The following SYF2 variants were observed in gnomAD, a reference collection of about 807,000 sequenced individuals.
SYF2 encodes pre-mRNA-splicing factor SYF2.
Under a neutral mutation model 32.7 loss-of-function variants are expected in SYF2, and 21 were observed. The observed-to-expected ratio is 0.64, with a 90% CI of 0.45 to 0.92. The LOEUF (loss-of-function observed/expected upper bound fraction) is 0.92, where lower values mean the gene tolerates loss of function less well. Among genes scored for constraint, SYF2 ranks in the 40% least tolerant of loss-of-function variants. SYF2 has a pLI of 0.00. For synonymous variants in SYF2, 114 were observed against 103.9 expected, an observed-to-expected ratio of 1.10 and a Z score of -0.59; for missense variants, 278 against 296.5, an observed-to-expected ratio of 0.94 and a Z score of 0.46.
chr1:25,230,704 G>A (rs970973595), intron 2 of SYF2: 1 of 152,334 alleles, frequency 6.6e-6, no homozygotes, highest in Non-Finnish European at 1.5e-5. Context: ...GTGACAGGGT[G>A]TTAGGAAGGG....
intron 6 of SYF2, among the ~76,000 whole-genome samples, chr1:25,224,382 A>G (rs570392213): frequency 6.6e-6 from 1 of 152,216 alleles, no homozygotes. Flanking sequence ...GAGTCTCCCA[A>G]GTAGCTAGGA....
intron 2 of SYF2, 33 bp downstream of exon 2, chr1:25,232,071 G>C (rs1464723127): frequency 1.2e-6 from 2 of 1,601,638 alleles, no homozygotes; most frequent in Non-Finnish European, 1.7e-6. Context: ...TTGGCCAGAT[G>C]ACGGATCTAA....
chr1:25,228,345 T>G, intron 3 of SYF2, 110 bp from the exon 4 acceptor site: 4 of 982,482 alleles, frequency 4.1e-6, no homozygotes, highest in African/African-American at 1.6e-5. Flanking sequence ...TAATAGTATT[T>G]TTTTAGTTGG....
intron 2 of SYF2, chr1:25,231,784 T>C (rs547153760): frequency 2.3e-6 from 1 of 427,754 alleles, no homozygotes; most frequent in Admixed American, 3.7e-5. Flanking sequence ...GCTCTACATA[T>C]TTCCCTAGGT....
intron 5 of SYF2, 63 bp from the exon 6 acceptor site, chr1:25,225,163 C>T (rs1008097788): frequency 1.9e-6 from 2 of 1,046,840 alleles, no homozygotes; most frequent in South Asian, 1.3e-5. Flanking sequence ...AAATTTCAAA[C>T]TAAAGTACCA....
intron 6 of SYF2, among the ~76,000 whole-genome samples, chr1:25,224,171 G>A (rs1638461723): frequency 6.6e-6 from 1 of 151,774 alleles, no homozygotes; most frequent in South Asian, 2.1e-4. Context: ...TCCAGCCTGG[G>A]CAATAGAGTG....
intron 4 of SYF2, 53 bp from the exon 5 acceptor site, chr1:25,227,585 C>G (rs1638538687): frequency 4.0e-6 from 6 of 1,496,650 alleles, no homozygotes; most frequent in Non-Finnish European, 5.5e-6. Flanking sequence ...TTTGGACCTT[C>G]CTATTGAGAG....
Position 25,226,627 on chromosome 1 carries a change from G to A in SYF2, c.467+815C>T, listed in dbSNP as rs12046939. On this transcript the variant is annotated intron_variant, in intron 5 of 6. Transcript: ENST00000236273. Reference sequence around the variant, plus strand: ...AACCAGTCTTAGAATGCCCAGTTAAGAACAAAACAAAAAACATGTGATTAA... The same window carrying A: ...AACCAGTCTTAGAATGCCCAGTTAAAAACAAAACAAAAAACATGTGATTAA... Among the ~76,000 whole-genome samples, 131 of 152,246 alleles carry A rather than the reference G, an allele frequency of 8.6e-4. 2 individuals carry two copies. The East Asian group carries it at 0.023, about 27-fold the overall frequency.
chr1:25,227,396 C>T (rs751600608), intron 5 of SYF2, 46 bp downstream of exon 5: 1 of 1,472,808 alleles, frequency 6.8e-7, no homozygotes, highest in African/African-American at 1.4e-5. Flanking sequence ...TACACACACA[C>T]ACACACAAAT....
At chr1:25,223,516 C>T (rs552240712) in intron 6 of SYF2, 85 bp from the exon 7 acceptor site, 10 of 1,364,076 alleles carry the variant, frequency 7.3e-6, no homozygotes, top group African/African-American at 5.8e-5. Context: ...AATATAATCA[C>T]GTTTAGAATA....
intron 2 of SYF2, chr1:25,231,832 T>G (rs774112086): frequency 1.3e-5 from 7 of 535,060 alleles, no homozygotes; most frequent in Non-Finnish European, 2.4e-5. Flanking sequence ...AGCAGGGAGG[T>G]TGTTAGTAAT....
At chr1:25,230,894 T>A (rs1033354963) in intron 2 of SYF2, 1 of 149,406 alleles carries the variant, frequency 6.7e-6, no homozygotes, top group Admixed American at 6.7e-5. Context: ...TGATCTCGAC[T>A]CACTGTAAGC....
chr1:25,225,295 A>C (rs759886454), intron 5 of SYF2, among the ~76,000 whole-genome samples, 195 bp from the exon 6 acceptor site: 43 of 152,148 alleles, frequency 2.8e-4, no homozygotes, highest in Non-Finnish European at 2.5e-4. Context: ...TGGGAGGCCA[A>C]GGCAGGCGGA....
At position 25,228,210 on chromosome 1, in the gene SYF2, T is replaced by C. The variant is rs780970497; in HGVS notation, c.284A>G (p.Tyr95Cys). Residue 95 changes from tyrosine (Y) to cysteine (C), a missense_variant, in exon 4 of 7, where the codon TAT becomes TGT. By Grantham distance (194) the Tyr-to-Cys change is radical (BLOSUM62 -2). Transcript: ENST00000236273. Reference protein sequence around the residue: ...KKECAARGEDYEKVKLLEISA... With the variant: ...KKECAARGEDCEKVKLLEISA... Reference sequence around the variant, plus strand: ...GATCTCCAGCAACTTCACTTTCTCATAGTCTTCTCCTCTTGCCGCACATTC... The same window carrying C: ...GATCTCCAGCAACTTCACTTTCTCACAGTCTTCTCCTCTTGCCGCACATTC... The C allele has an allele frequency of 2.5e-6, 4 of 1,613,448 alleles. No homozygotes were observed. Among genetic ancestry groups the C allele is most frequent in the Non-Finnish European group, 3.4e-6 (4 of 1,179,984 alleles).
At chr1:25,231,846 G>A (rs941775367) in intron 2 of SYF2, 2 of 559,772 alleles carry the variant, frequency 3.6e-6, no homozygotes, top group South Asian at 4.1e-5. Flanking sequence ...TAGTAATGGA[G>A]ACTCCCAAAC....
Position 25,223,112 on chromosome 1 carries a change from C to A in SYF2, c.*154G>T, listed in dbSNP as rs1454698542. 3 of 640,714 alleles carry A rather than the reference C, an allele frequency of 4.7e-6. No homozygotes were observed. Among genetic ancestry groups the A allele is most frequent in the Non-Finnish European group, 7.7e-6 (3 of 391,160 alleles). 39.7% of individuals were successfully genotyped at this position (640,714 alleles called of 1,614,324 possible). ...GTGGAAATATACATGAAAGGATATA[C>A]GTTTAAGAAACCACATTTTTATTTC... On this transcript the variant is annotated 3_prime_UTR_variant, in exon 7 of 7. Transcript: ENST00000236273.
At chr1:25,230,940 G>C (rs1421478326) in intron 2 of SYF2, 1 of 150,752 alleles carries the variant, frequency 6.6e-6, no homozygotes, top group African/African-American at 2.5e-5. Flanking sequence ...TCCTGCCTCA[G>C]CCTCCCGTGT....
chr1:25,225,399 A>C (rs1030406678), intron 5 of SYF2, among the ~76,000 whole-genome samples: 3 of 151,974 alleles, frequency 2.0e-5, no homozygotes, highest in East Asian at 3.9e-4. Context: ...GTGGTGACAC[A>C]CACCTGTAGT....
At chr1:25,227,603 TA>T in intron 4 of SYF2, 71 bp from the exon 5 acceptor site, 2 of 1,369,752 alleles carry the variant, frequency 1.5e-6, no homozygotes, top group Non-Finnish European at 2.0e-6. Context: ...GAGAAAAATC[TA>T]AATTATCACA....
Sources: allele counts gnomAD v4.1 joint callset (sites outside exome capture counted in the v4.1 genomes callset), GRCh38; gene constraint gnomAD v4.1.1; transcripts MANE v1.5; gene names NCBI Gene and HGNC (gene_info 2026-07-23, HGNC 2026-07-21).